Variants in RBM6 observed in about 807,000 individuals in gnomAD.
The protein encoded by RBM6 is RNA-binding protein 6.
In RBM6, 23 loss-of-function variants were observed where a neutral mutation model predicts 140.4. The observed-to-expected ratio is 0.16, with a 90% CI of 0.12 to 0.23. The LOEUF (loss-of-function observed/expected upper bound fraction) is 0.23, where lower values mean the gene tolerates loss of function less well. Among genes scored for constraint, RBM6 ranks in the 10% least tolerant of loss-of-function variants. The pLI is 1.00. For missense variants in RBM6, 1,139 were observed against 1,386.7 expected, an observed-to-expected ratio of 0.82 and a Z score of 2.84; for synonymous variants, 439 against 475.6, an observed-to-expected ratio of 0.92 and a Z score of 1.00.
chr3:49,967,750 G>A lies in RBM6; in HGVS notation c.325G>A (p.Asp109Asn), dbSNP rs1175894580. 3 of 1,614,154 alleles carry A rather than the reference G, an allele frequency of 1.9e-6. No individual in the cohort carries two copies. In the African/African-American group the frequency reaches 4.0e-5, roughly 22 times the overall value. ...DFSSSDFQSRDSSQLDFRGRD... is the reference protein window; with the variant it reads ...DFSSSDFQSRNSSQLDFRGRD... ...TTCGTCTTCTGATTTCCAGAGCAGA[G>A]ATTCATCACAGTTGGACTTCAGGGG... is the stretch of plus-strand genomic sequence containing the variant. Residue 109 changes from aspartate (D) to asparagine (N), a missense_variant, in exon 3 of 21, where the codon GAT (aspartate) becomes AAT (asparagine). This residue lies in a region of RBM6 where 566 missense variants were observed against 612.7 expected (regional missense o/e 0.92). Coordinates refer to ENST00000266022, the MANE Select transcript of RBM6 (RefSeq NM_005777.3). This position sits in a 1 kb window ranked among gnomAD's most constrained non-coding sequence, Gnocchi z 4.0.
Position 49,967,358 on chromosome 3 carries a change from G to C in RBM6, c.45-112G>C. 6.7e-7 allele frequency: 1 copy of C among 1,496,652 alleles called. No individual in the cohort carries two copies. The highest frequency in any genetic ancestry group is 8.9e-7 in the Non-Finnish European group (1 of 1,126,424). 92.7% of individuals were successfully genotyped at this position (1,496,652 alleles called of 1,614,324 possible). A position where few individuals can be genotyped will look rare whatever the true frequency, so the allele number is the denominator to read the frequency against. The stretch of plus-strand genomic sequence containing the variant: ...ATCTAGGACCTTGTTACAGAACTCT[G>C]CCAAAAAAAAAATGTTTACAGAAGA... On this transcript the variant is annotated intron_variant, in intron 2 of 20. Coordinates refer to ENST00000266022, the MANE Select transcript of RBM6 (RefSeq NM_005777.3). This position sits in a 1 kb window ranked among gnomAD's most constrained non-coding sequence, Gnocchi z 4.0.
At position 49,993,374 on chromosome 3, in the gene RBM6, G is replaced by C. The variant is rs138042428; in HGVS notation, c.1484-6066G>C. Among the ~76,000 whole-genome samples the C allele has an allele frequency of 2.9e-3, 449 of 152,284 alleles. 1 individual carries two copies. Among genetic ancestry groups the C allele is most frequent in the Non-Finnish European group, 4.3e-3 (293 of 68,032 alleles). ...AGTTTTTGAAAATTTAGGTCAGGTGGCTCACTCCTATAATCCCAGCACTTT... is the reference window on the plus strand; with the variant it reads ...AGTTTTTGAAAATTTAGGTCAGGTGCCTCACTCCTATAATCCCAGCACTTT... On this transcript the variant is annotated intron_variant, in intron 5 of 20. Coordinates refer to ENST00000266022, the MANE Select transcript of RBM6 (RefSeq NM_005777.3).
chr3:50,062,051 C>T lies in RBM6; in HGVS notation c.2529C>T (p.Ser843=). The stretch of plus-strand genomic sequence containing the variant: ...CCACCAGTCAAGGAAAGTCAAGTAG[C>T]AAGAAGGAAATGTCTAAAAGAGATG... The part of the protein sequence containing the change: ...KKPTSQGKSS[S]KKEMSKRDGK... Residue 843 remains serine, a synonymous_variant, in exon 15 of 21, where the codon AGC becomes AGT. Coordinates refer to ENST00000266022, the MANE Select transcript of RBM6 (RefSeq NM_005777.3). 6.2e-7 allele frequency: 1 copy of T among 1,613,630 alleles called. No individual in the cohort carries two copies. Among genetic ancestry groups the T allele is most frequent in the Non-Finnish European group, 8.5e-7 (1 of 1,179,832 alleles).
At chr3:49,942,979 T>C (rs1327005929) in intron 1 of RBM6, among the ~76,000 whole-genome samples, 1 of 152,244 alleles carries the variant, frequency 6.6e-6, no homozygotes, top group African/African-American at 2.4e-5. Flanking sequence ...GTACTGCAAA[T>C]ACTAAATGGA....
chr3:50,020,347 T>C (rs956866576), intron 6 of RBM6, among the ~76,000 whole-genome samples: 7 of 152,212 alleles, frequency 4.6e-5, no homozygotes, highest in African/African-American at 1.7e-4. Context: ...TCTCTATTGA[T>C]TTACTGTTTT....
chr3:50,030,456 CA>C (rs1316421792), intron 6 of RBM6, among the ~76,000 whole-genome samples: 1 of 152,016 alleles, frequency 6.6e-6, no homozygotes, highest in Non-Finnish European at 1.5e-5. Flanking sequence ...TTTTCATTGT[CA>C]TTTCTTATAC....
intron 6 of RBM6, among the ~76,000 whole-genome samples, chr3:50,024,788 C>T (rs2087707068): frequency 1.3e-5 from 2 of 152,066 alleles, no homozygotes; most frequent in Admixed American, 6.6e-5. Flanking sequence ...CCCGTCTCTA[C>T]TAAAAATACA....
At chr3:49,958,421 A>C (rs2084111525) in intron 1 of RBM6, among the ~76,000 whole-genome samples, 1 of 151,944 alleles carries the variant, frequency 6.6e-6, no homozygotes, top group Non-Finnish European at 1.5e-5. Flanking sequence ...CAAAACAAAA[A>C]AAACTATTAG....
chr3:50,077,076 G>A lies in RBM6; in HGVS notation c.3315G>A (p.Glu1105=), dbSNP rs2090485667. ...GAACCAGCAAAAGACAGTCCAACGA[G>A]ACTTACCGAGATGCTGTTCGAAGAG... ...SGRTSKRQSN[E]TYRDAVRRVM... Residue 1105 remains glutamate (E), a synonymous_variant, in exon 21 of 21, where the codon GAG becomes GAA. Transcript: ENST00000266022. 6.2e-7 allele frequency: 1 copy of A among 1,613,224 alleles called. No homozygotes were observed.
In RBM6 at chr3:50,042,245, C is replaced by T. The variant is rs564845993; in HGVS notation, c.1558-6000C>T. ...TTCAATGTGAGTTGTATTCACAAAGCTCATATACTTTTTCCCTGCCTTTTG... is the reference window on the plus strand; with the variant it reads ...TTCAATGTGAGTTGTATTCACAAAGTTCATATACTTTTTCCCTGCCTTTTG... On this transcript the variant is annotated intron_variant, in intron 6 of 20. Transcript: ENST00000266022. 3.3e-5 allele frequency among the ~76,000 whole-genome samples: 5 copies of T among 152,310 alleles called. No individual in the cohort carries two copies. The South Asian group carries it at 8.3e-4, about 25-fold the overall frequency.
intron 19 of RBM6, among the ~76,000 whole-genome samples, chr3:50,073,101 A>G (rs1217790471): frequency 6.6e-6 from 1 of 152,188 alleles, no homozygotes; most frequent in Non-Finnish European, 1.5e-5. Flanking sequence ...TTATTATTTC[A>G]GAGTAGCAGC....
intron 20 of RBM6, among the ~76,000 whole-genome samples, chr3:50,076,476 G>A (rs540891925): frequency 7.4e-4 from 113 of 151,900 alleles, no homozygotes; most frequent in African/African-American, 2.6e-3. Context: ...CAGCTACTCA[G>A]GAGGCTGAGG....
In RBM6 at chr3:49,968,657, A is replaced by G. The variant is rs376265066; in HGVS notation, c.1232A>G (p.His411Arg). 53 of 1,613,960 alleles carry G rather than the reference A, an allele frequency of 3.3e-5. No individual in the cohort carries two copies. Among genetic ancestry groups the G allele is most frequent in the Non-Finnish European group, 4.2e-5 (50 of 1,180,016 alleles). The change falls in exon 3 of 21, where the codon CAT (histidine) becomes CGT (arginine). Residue 411 changes from histidine to arginine, a missense_variant. His to Arg is a conservative substitution (Grantham distance 29). Coordinates refer to ENST00000266022, the MANE Select transcript of RBM6 (RefSeq NM_005777.3). The stretch of plus-strand genomic sequence containing the variant: ...AGCATGGAGTACCGTGATGTGGATC[A>G]TAGGCTGCCAGGAAGCCAGATGTTT... The part of the protein sequence containing the change: ...YRSMEYRDVD[H>R]RLPGSQMFGY...
At chr3:49,966,693 G>C (rs2084531507) in intron 2 of RBM6, among the ~76,000 whole-genome samples, 2 of 152,154 alleles carry the variant, frequency 1.3e-5, no homozygotes, top group African/African-American at 4.8e-5. Context: ...GTCTATCTCA[G>C]CATTGAGCCC....
chr3:49,947,983 A>C (rs2108575138), intron 1 of RBM6, among the ~76,000 whole-genome samples: 1 of 152,280 alleles, frequency 6.6e-6, no homozygotes, highest in Admixed American at 6.5e-5. Flanking sequence ...AATCCCAGCT[A>C]CTCGGGAGGC....
chr3:49,955,876 GTGTGTGTGTA>G (rs2083962960), intron 1 of RBM6, among the ~76,000 whole-genome samples: 3 of 151,542 alleles, frequency 2.0e-5, no homozygotes, highest in South Asian at 4.2e-4. Flanking sequence ...GTGTGTGTGT[GTGTGTGTGTA>G]TATGTATATA....
intron 1 of RBM6, among the ~76,000 whole-genome samples, chr3:49,956,211 A>G (rs2083980574): frequency 6.7e-6 from 1 of 148,998 alleles, no homozygotes; most frequent in South Asian, 2.1e-4. Context: ...TTTTGTAGAG[A>G]TAGGGTTTTG....
intron 1 of RBM6, among the ~76,000 whole-genome samples, chr3:49,943,253 T>C: frequency 6.6e-6 from 1 of 152,172 alleles, no homozygotes; most frequent in Non-Finnish European, 1.5e-5. Flanking sequence ...CTTTTGGGTA[T>C]ATACCCAGAA....
rs372586271 is a variant in RBM6 at position 50,077,162 on chromosome 3, C to T, written c.*29C>T. On this transcript the variant is annotated 3_prime_UTR_variant, in exon 21 of 21. Coordinates refer to ENST00000266022, the MANE Select transcript of RBM6 (RefSeq NM_005777.3). ...AGGAGACAAGTTCCATGGGATACAACCTCCCTCTTGTTTTGTTTGTCTCTC... is the reference window on the plus strand; with the variant it reads ...AGGAGACAAGTTCCATGGGATACAATCTCCCTCTTGTTTTGTTTGTCTCTC... The T allele has an allele frequency of 1.6e-5, 25 of 1,586,190 alleles. No homozygotes were observed. The highest frequency in any genetic ancestry group is 2.3e-5 in the East Asian group (1 of 43,192).
Sources: allele counts gnomAD v4.1 joint callset (sites outside exome capture counted in the v4.1 genomes callset), GRCh38; gene constraint gnomAD v4.1.1; regional missense constraint gnomAD v4.1.1; non-coding constraint Gnocchi (gnomAD v3.1); transcripts MANE v1.5; gene names NCBI Gene and HGNC (gene_info 2026-07-23, HGNC 2026-07-21).